The following IPP variants were observed in gnomAD, a reference collection of about 807,000 sequenced individuals.
IPP encodes the protein actin-binding protein IPP.
A neutral mutation model predicts 64.1 loss-of-function variants in IPP; 41 were observed. The ratio of observed to expected loss-of-function variants is 0.64; its 90% confidence interval spans 0.50 to 0.83. The LOEUF is 0.83. Ranked by LOEUF, IPP falls within the 40% of genes least tolerant of loss-of-function variation. IPP has a pLI of 0.00. For missense variants in IPP, 649 were observed against 703.0 expected (o/e 0.92, Z 0.87); for synonymous variants, 214 against 235.2 (o/e 0.91, Z 0.83).
chr1:45,719,127 A>G, intron 6 of IPP, 76 bp downstream of exon 6: 1 of 1,386,102 alleles, frequency 7.2e-7, no homozygotes, highest in Non-Finnish European at 1.0e-6. Context: ...ATATATACCT[A>G]TTATGTATCC....
At chr1:45,719,829 C>T (rs1037543951) in intron 5 of IPP, among the ~76,000 whole-genome samples, 6 of 151,594 alleles carry the variant, frequency 4.0e-5, no homozygotes, top group Non-Finnish European at 5.9e-5. Flanking sequence ...GGGTTCATGA[C>T]ATTCTCCTGC....
chr1:45,746,119 C>A lies in IPP; in HGVS notation c.292+1G>T, dbSNP rs1646129133. On this transcript the variant is annotated splice_donor_variant, in intron 2 of 8. Coordinates refer to ENST00000396478, the MANE Select transcript of IPP (RefSeq NM_005897.3). LOFTEE classifies it high-confidence loss of function. ...CAAAGCAACAGACTCATGTAACATA[C>A]CTGTGTAAATGAAATCTAGAAGTAT... is the stretch of plus-strand genomic sequence containing the variant. 2 of 1,608,938 alleles carry A rather than the reference C, an allele frequency of 1.2e-6. No individual in the cohort carries two copies. The highest frequency in any genetic ancestry group is 1.7e-6 in the Non-Finnish European group (2 of 1,175,786).
Position 45,746,192 on chromosome 1 carries a change from A to G in IPP, c.220T>C (p.Ser74Pro), listed in dbSNP as rs1646130558. The G allele has an allele frequency of 6.2e-7, 1 of 1,614,042 alleles. No individual in the cohort carries two copies. Among genetic ancestry groups the G allele is most frequent in the Non-Finnish European group, 8.5e-7 (1 of 1,179,994 alleles). The change falls in exon 2 of 9, where the codon TCA becomes CCA. Residue 74 changes from serine to proline, a missense_variant. Ser to Pro is a moderately conservative substitution (Grantham distance 74). Coordinates refer to ENST00000396478, the MANE Select transcript of IPP (RefSeq NM_005897.3). Reference sequence around the variant, plus strand: ...CCTAGAATCGGTACAACATCTTTTGAGGACTCTTTCATTCCTCCAGTGAAC... The same window carrying G: ...CCTAGAATCGGTACAACATCTTTTGGGGACTCTTTCATTCCTCCAGTGAAC... ...ALFTGGMKES[S>P]KDVVPILGIE...
chr1:45,703,826 CTA>C (rs1347882705), intron 8 of IPP, among the ~76,000 whole-genome samples: 3 of 152,192 alleles, frequency 2.0e-5, no homozygotes, highest in Non-Finnish European at 4.4e-5. Context: ...ACATAACTGA[CTA>C]TTTATTTCTC....
chr1:45,743,638 G>A (rs1646096309), intron 2 of IPP, among the ~76,000 whole-genome samples: 1 of 152,044 alleles, frequency 6.6e-6, no homozygotes, highest in African/African-American at 2.4e-5. Flanking sequence ...GATAGCTTGA[G>A]CCCTGGAGGT....
In IPP at chr1:45,729,556, A is replaced by C. The variant is rs1645877348; in HGVS notation, c.880+58T>G. ...TATAGTAATAACAACAAAATATTAAAAAGGTTTGATCTGGAACACAAATAT... is the reference window on the plus strand; with the variant it reads ...TATAGTAATAACAACAAAATATTAACAAGGTTTGATCTGGAACACAAATAT... On this transcript the variant is annotated intron_variant, in intron 4 of 8. Coordinates refer to ENST00000396478, the MANE Select transcript of IPP (RefSeq NM_005897.3). 10 of 1,343,960 alleles carry C rather than the reference A, an allele frequency of 7.4e-6. No individual in the cohort carries two copies. In the Middle Eastern group the frequency reaches 5.4e-4, roughly 72 times the overall value. The allele number at this position is 1,343,960 out of a possible 1,614,324, so 83.3% of individuals were successfully genotyped here.
In IPP at chr1:45,727,766, T is replaced by TCCAGCGA; in HGVS notation, c.906_912dup (p.Asp306LeufsTer3). ...ACACAGCTGAGGGCTCTGCTATCAC[T>TCCAGCGA]CCAGCGACCCCCCTGCAACCGAGTA... On this transcript the variant is annotated frameshift_variant, in exon 5 of 9. Transcript: ENST00000396478. LOFTEE classifies it high-confidence loss of function. 1 of 1,572,102 alleles carries TCCAGCGA rather than the reference T, an allele frequency of 6.4e-7. No individual in the cohort carries two copies. Among genetic ancestry groups the TCCAGCGA allele is most frequent in the Non-Finnish European group, 8.7e-7 (1 of 1,149,214 alleles).
chr1:45,705,482 G>C (rs1337788303), intron 8 of IPP, among the ~76,000 whole-genome samples: 1 of 152,136 alleles, frequency 6.6e-6, no homozygotes, highest in Non-Finnish European at 1.5e-5. Flanking sequence ...TAAAGACCTA[G>C]AAAACTAGAT....
intron 4 of IPP, among the ~76,000 whole-genome samples, chr1:45,728,983 T>C (rs1185675052): frequency 6.7e-6 from 1 of 150,368 alleles, no homozygotes; most frequent in Non-Finnish European, 1.5e-5. Flanking sequence ...TATATATATA[T>C]AGGTATACAA....
At chr1:45,724,817 G>A (rs1368183159) in intron 5 of IPP, among the ~76,000 whole-genome samples, 3 of 150,798 alleles carry the variant, frequency 2.0e-5, no homozygotes, top group Middle Eastern at 3.5e-3. Flanking sequence ...GAGCCCCTCC[G>A]TCCGGCAGCC....
rs1004522409 is a variant in IPP at position 45,747,137 on chromosome 1, A to C, written c.-50-676T>G. On this transcript the variant is annotated intron_variant, in intron 1 of 8. Transcript: ENST00000396478. ...GCACACGAGCGCGCGCGCGCGCTTC[A>C]GAGCTCCTTGAAACACAGCCCTTTA... 5.3e-5 allele frequency among the ~76,000 whole-genome samples: 8 copies of C among 152,096 alleles called. No homozygotes were observed. The East Asian group carries it at 1.6e-3, about 30-fold the overall frequency.
At chr1:45,705,990 C>A (rs1645508008) in intron 8 of IPP, among the ~76,000 whole-genome samples, 1 of 152,036 alleles carries the variant, frequency 6.6e-6, no homozygotes, top group African/African-American at 2.4e-5. Context: ...TCAGCTGATA[C>A]AGGAGACAGA....
chr1:45,743,302 G>C (rs1646091777), intron 2 of IPP, among the ~76,000 whole-genome samples: 1 of 149,784 alleles, frequency 6.7e-6, no homozygotes, highest in Admixed American at 6.7e-5. Flanking sequence ...CAGTGGCATG[G>C]TCTCTGCTCA....
rs1645882868 is a variant in IPP, at chr1:45,729,862, C to A, written c.725-93G>T. On this transcript the variant is annotated intron_variant, in intron 3 of 8. Coordinates refer to ENST00000396478, the MANE Select transcript of IPP (RefSeq NM_005897.3). ...ATAAAGATAAGATACATTTAACCAT[C>A]AAGAAATAAAAAATCATCATCAAAC... 6 of 742,628 alleles carry A rather than the reference C, an allele frequency of 8.1e-6. No individual in the cohort carries two copies. The South Asian group carries it at 1.1e-4, about 13-fold the overall frequency. 46.0% of individuals were successfully genotyped at this position (742,628 alleles called of 1,614,324 possible).
At chr1:45,732,369 A>AAAAAAC (rs1193987185) in intron 3 of IPP, among the ~76,000 whole-genome samples, 4 of 150,176 alleles carry the variant, frequency 2.7e-5, no homozygotes, top group African/African-American at 9.7e-5. Flanking sequence ...CTCAAAAAAA[A>AAAAAAC]AAAAAAAAAA....
intron 3 of IPP, among the ~76,000 whole-genome samples, chr1:45,736,543 A>G (rs113867866): frequency 0.012 from 1,854 of 152,172 alleles, 21 homozygotes; most frequent in Non-Finnish European, 0.02. Flanking sequence ...CTCCAATATG[A>G]TCAAAGAGGA....
intron 1 of IPP, among the ~76,000 whole-genome samples, chr1:45,747,862 A>AC (rs1646161019): frequency 7.6e-6 from 1 of 131,278 alleles, no homozygotes. Flanking sequence ...AAAAAAAAAA[A>AC]AAAAACCATG....
chr1:45,746,809 C>T (rs1013612041), intron 1 of IPP, among the ~76,000 whole-genome samples: 11 of 152,184 alleles, frequency 7.2e-5, no homozygotes, highest in South Asian at 6.2e-4. Context: ...ACAGAGCACA[C>T]ATCACAGACA....
intron 3 of IPP, among the ~76,000 whole-genome samples, chr1:45,737,360 T>TA (rs1292241035): frequency 6.6e-6 from 1 of 152,026 alleles, no homozygotes; most frequent in Non-Finnish European, 1.5e-5. Flanking sequence ...CCAAAATTAA[T>TA]ATAGTAGTCC....
Sources: allele counts gnomAD v4.1 joint callset (sites outside exome capture counted in the v4.1 genomes callset), GRCh38; gene constraint gnomAD v4.1.1; transcripts MANE v1.5; gene names NCBI Gene and HGNC (gene_info 2026-07-23, HGNC 2026-07-21).